The following C6orf52 variants were observed in gnomAD, a reference collection of about 807,000 sequenced individuals.
The protein encoded by C6orf52 is chromosome 6 open reading frame 52.
C6orf52 carries 16 observed loss-of-function variants against 16.6 expected under a neutral mutation model. That is an observed-to-expected ratio of 0.96 (90% CI 0.65 to 1.46). The LOEUF (loss-of-function observed/expected upper bound fraction) is 1.46, where lower values mean the gene tolerates loss of function less well. C6orf52 is among the 40% of genes most tolerant of loss of function. The pLI is 0.00. For synonymous variants in C6orf52, 53 were observed against 61.4 expected, an observed-to-expected ratio of 0.86 and a Z score of 0.64; for missense variants, 166 against 182.3, an observed-to-expected ratio of 0.91 and a Z score of 0.52.
At chr6:10,680,425 A>G (rs1398052820) in intron 4 of C6orf52, among the ~76,000 whole-genome samples, 1 of 152,074 alleles carries the variant, frequency 6.6e-6, no homozygotes, top group Non-Finnish European at 1.5e-5. Context: ...GTTTGCTAGT[A>G]TTTTGTTGGG....
chr6:10,672,954 G>A (rs1398699079), intron 4 of C6orf52, among the ~76,000 whole-genome samples: 9 of 152,186 alleles, frequency 5.9e-5, no homozygotes, highest in South Asian at 2.1e-4. Flanking sequence ...ATAGGCTTTA[G>A]TCATCATATA....
chr6:10,691,558 G>A (rs189030261), intron 1 of C6orf52, among the ~76,000 whole-genome samples: 2,441 of 152,114 alleles, frequency 0.016, 52 homozygotes, highest in African/African-American at 0.045. Flanking sequence ...GTGTGGTGCC[G>A]AGCTGTCTGC....
intron 4 of C6orf52, among the ~76,000 whole-genome samples, chr6:10,678,019 A>C (rs1474983276): frequency 1.3e-5 from 2 of 151,770 alleles, no homozygotes; most frequent in African/African-American, 4.8e-5. Context: ...CTCTACTAAA[A>C]ATACAAAAAT....
chr6:10,677,162 A>C (rs1030293548), intron 4 of C6orf52, among the ~76,000 whole-genome samples: 1 of 152,156 alleles, frequency 6.6e-6, no homozygotes, highest in East Asian at 1.9e-4. Flanking sequence ...CTTACATTTA[A>C]GTCTTTAATC....
chr6:10,674,954 C>T (rs1354135501), intron 4 of C6orf52, among the ~76,000 whole-genome samples: 3 of 151,838 alleles, frequency 2.0e-5, no homozygotes, highest in East Asian at 1.9e-4. Flanking sequence ...GGATTACAGG[C>T]GCACACCACC....
At chr6:10,691,047 A>T (rs1051563465) in intron 1 of C6orf52, among the ~76,000 whole-genome samples, 3 of 152,206 alleles carry the variant, frequency 2.0e-5, no homozygotes, top group Non-Finnish European at 4.4e-5. Flanking sequence ...GAGGACACAT[A>T]AAAAAGAGCA....
chr6:10,691,660 T>C (rs932969758), intron 1 of C6orf52, among the ~76,000 whole-genome samples: 2 of 152,064 alleles, frequency 1.3e-5, no homozygotes, highest in Non-Finnish European at 2.9e-5. Flanking sequence ...CTCCCTCCCT[T>C]AAAATCCTAA....
At position 10,687,559 on chromosome 6, in the gene C6orf52, A is replaced by C. The variant is rs1347411314; in HGVS notation, c.-9T>G. ...CTCTCTGGTTGGGCCATTTACCCAG[A>C]AACTTTACAAAAAGAGAGCAGAATC... On this transcript the variant is annotated splice_region_variant and 5_prime_UTR_variant, in exon 2 of 5. Coordinates refer to ENST00000259983, the MANE Select transcript of C6orf52 (RefSeq NM_001145020.3). The C allele has an allele frequency of 6.5e-7, 1 of 1,544,752 alleles. No homozygotes were observed. The highest frequency in any genetic ancestry group is 1.4e-5 in the African/African-American group (1 of 72,434).
intron 4 of C6orf52, among the ~76,000 whole-genome samples, chr6:10,679,206 G>A (rs1053995496): frequency 6.6e-6 from 1 of 152,114 alleles, no homozygotes; most frequent in African/African-American, 2.4e-5. Context: ...TTGGGAGGAT[G>A]ACGTGGGTGG....
chr6:10,691,414 G>C (rs1275633672), intron 1 of C6orf52, among the ~76,000 whole-genome samples: 2 of 152,020 alleles, frequency 1.3e-5, no homozygotes, highest in Non-Finnish European at 2.9e-5. Context: ...TACATGACTG[G>C]GGGGCTGCAT....
chr6:10,693,040 C>T (rs1003312086), intron 1 of C6orf52, among the ~76,000 whole-genome samples: 4 of 152,212 alleles, frequency 2.6e-5, no homozygotes, highest in African/African-American at 4.8e-5. Context: ...TAAAGACTAA[C>T]TTACTTCAAG....
intron 4 of C6orf52, among the ~76,000 whole-genome samples, chr6:10,676,765 G>T (rs930418903): frequency 3.3e-5 from 5 of 152,032 alleles, no homozygotes; most frequent in African/African-American, 1.2e-4. Flanking sequence ...TTTCCTTTTC[G>T]GAGGCCTGTT....
At chr6:10,684,884 G>A (rs1242268529) in intron 3 of C6orf52, 1 of 1,289,004 alleles carries the variant, frequency 7.8e-7, no homozygotes. Context: ...CCCAACAGGG[G>A]ACACCCAGCA....
rs1382408876 is a variant in C6orf52 at position 10,683,239 on chromosome 6, C to T, written c.271-7G>A. The T allele has an allele frequency of 2.0e-6, 3 of 1,529,384 alleles. No individual in the cohort carries two copies. The highest frequency in any genetic ancestry group is 2.7e-6 in the Non-Finnish European group (3 of 1,129,028). 94.7% of individuals were successfully genotyped at this position (1,529,384 alleles called of 1,614,324 possible). On this transcript the variant is annotated splice_polypyrimidine_tract_variant and splice_region_variant and intron_variant, in intron 3 of 4. Transcript: ENST00000259983. ...CAGCTAGAGGTGTGGTTTCCTGCAA[C>T]AAAATATTATCTCATGAGAAAATAA...
intron 4 of C6orf52, among the ~76,000 whole-genome samples, chr6:10,680,406 T>C (rs1298219056): frequency 6.6e-6 from 1 of 152,260 alleles, no homozygotes; most frequent in East Asian, 1.9e-4. Context: ...CATTGTGCTG[T>C]TGAATTCAGT....
chr6:10,684,004 C>T (rs904489886), intron 3 of C6orf52, among the ~76,000 whole-genome samples: 12 of 152,316 alleles, frequency 7.9e-5, no homozygotes, highest in African/African-American at 2.9e-4. Context: ...TGAGAAGATA[C>T]TGAGAGCCAA....
At position 10,689,318 on chromosome 6, in the gene C6orf52, C is replaced by G. The variant is rs374484271; in HGVS notation, c.-11-1757G>C. ...ACTGGTTGCATCCAGGGATGCAGAACCCACAGACGCTGAGGGCCGATGGTA... is the reference window on the plus strand; with the variant it reads ...ACTGGTTGCATCCAGGGATGCAGAAGCCACAGACGCTGAGGGCCGATGGTA... On this transcript the variant is annotated intron_variant, in intron 1 of 4. Transcript: ENST00000259983. 5.3e-5 allele frequency among the ~76,000 whole-genome samples: 8 copies of G among 152,200 alleles called. No individual in the cohort carries two copies. In the East Asian group the frequency reaches 1.3e-3, roughly 26 times the overall value.
intron 1 of C6orf52, among the ~76,000 whole-genome samples, chr6:10,693,648 C>T (rs898165112): frequency 1.3e-5 from 2 of 152,328 alleles, no homozygotes; most frequent in East Asian, 3.9e-4. Flanking sequence ...GAGAACTATA[C>T]GAACCAAGAT....
chr6:10,674,659 A>ATTTTTT, intron 4 of C6orf52: 1 of 129,056 alleles, frequency 7.7e-6, no homozygotes, highest in African/African-American at 4.2e-5. Flanking sequence ...TTTTTTTTTA[A>ATTTTTT]AAGACTAGTC....
Sources: allele counts gnomAD v4.1 joint callset (sites outside exome capture counted in the v4.1 genomes callset), GRCh38; gene constraint gnomAD v4.1.1; transcripts MANE v1.5; gene names NCBI Gene and HGNC (gene_info 2026-07-23, HGNC 2026-07-21).